The following CABIN1 variants were observed in gnomAD, a reference collection of about 807,000 sequenced individuals.
CABIN1 encodes calcineurin-binding protein cabin-1.
In CABIN1, 133 loss-of-function variants were observed where a neutral mutation model predicts 227.7. That is an observed-to-expected ratio of 0.58 (90% confidence interval 0.51 to 0.67). The LOEUF (loss-of-function observed/expected upper bound fraction) is 0.67, where lower values mean the gene tolerates loss of function less well. Ranked by LOEUF, CABIN1 falls within the 30% of genes least tolerant of loss-of-function variation. The probability of loss-of-function intolerance (pLI) is 0.00; values close to 1 mark genes in which losing one functional copy is unlikely to be tolerated. For missense variants in CABIN1, 2,408 were observed against 2,852.5 expected (o/e 0.84, Z 3.55); for synonymous variants, 1,086 against 1,155.1 (o/e 0.94, Z 1.21).
intron 4 of CABIN1, among the ~76,000 whole-genome samples, chr22:24,040,632 A>G (rs1339010053): frequency 1.3e-5 from 2 of 152,252 alleles, no homozygotes; most frequent in Non-Finnish European, 2.9e-5. Context: ...TCTTAATTAC[A>G]GAGGTCAGAC....
At position 24,116,154 on chromosome 22, in the gene CABIN1, T is replaced by C. The variant is rs2043072318; in HGVS notation, c.4300+2406T>C. Among the ~76,000 whole-genome samples the C allele has an allele frequency of 1.3e-5, 2 of 152,140 alleles. 1 individual carries two copies. Among genetic ancestry groups the C allele is most frequent in the South Asian group, 4.1e-4 (2 of 4,824 alleles). On this transcript the variant is annotated intron_variant, in intron 27 of 36. Coordinates refer to ENST00000263119, the MANE Select transcript of CABIN1 (RefSeq NM_012295.4). ...CTTTCCCAGAAGTGACTGTTGCAGC[T>C]AGCGGAAGCTCACCTTTGCAGGGGG...
chr22:24,127,724 T>G (rs1162561819), intron 28 of CABIN1, among the ~76,000 whole-genome samples: 1 of 152,154 alleles, frequency 6.6e-6, no homozygotes. Context: ...AATCCACAGA[T>G]AGTCATTCAT....
chr22:24,174,988 C>T (rs898705568), intron 34 of CABIN1, among the ~76,000 whole-genome samples: 2 of 152,208 alleles, frequency 1.3e-5, no homozygotes, highest in Non-Finnish European at 2.9e-5. Context: ...CCTCTGCCTG[C>T]CTGTCCCACC....
intron 1 of CABIN1, among the ~76,000 whole-genome samples, chr22:24,019,125 T>G (rs1323466341): frequency 8.0e-6 from 1 of 125,200 alleles, no homozygotes; most frequent in African/African-American, 3.1e-5. Context: ...GTGTTGTTTT[T>G]TTTTTTTTTT....
At chr22:24,090,538 T>TC (rs1192435365) in intron 23 of CABIN1, among the ~76,000 whole-genome samples, 1 of 143,224 alleles carries the variant, frequency 7.0e-6, no homozygotes, top group Non-Finnish European at 1.5e-5. Context: ...TTTTTTTTTT[T>TC]CCTGAGAAGT....
intron 26 of CABIN1, among the ~76,000 whole-genome samples, chr22:24,109,237 T>A (rs1050606730): frequency 2.6e-5 from 4 of 151,710 alleles, no homozygotes; most frequent in South Asian, 2.1e-4. Flanking sequence ...TTTTTTTTTT[T>A]AGACAGGGTC....
At chr22:24,099,274 C>G (rs1049029875) in intron 26 of CABIN1, among the ~76,000 whole-genome samples, 1 of 152,122 alleles carries the variant, frequency 6.6e-6, no homozygotes, top group Admixed American at 6.5e-5. Context: ...TAAAGAAGTG[C>G]TGGAGAAGGA....
rs112872661 is a variant in CABIN1, at chr22:24,055,017, G to A, written c.951G>A (p.Thr317=). ...SQPLESSMVV[T]PVNVIQPSTV... is the part of the protein sequence containing the mutation. ...CTCTTGAGTCCTCCATGGTGGTGAC[G>A]CCAGTTAACGTGATCCAGCCAAGCA... The change falls in exon 9 of 37, where the codon ACG becomes ACA. Residue 317 remains threonine (T), a synonymous_variant. Coordinates refer to ENST00000263119, the MANE Select transcript of CABIN1 (RefSeq NM_012295.4). The A allele has an allele frequency of 1.5e-5, 25 of 1,614,214 alleles. No homozygotes were observed. The highest frequency in any genetic ancestry group is 2.0e-5 in the Non-Finnish European group (24 of 1,180,048).
intron 1 of CABIN1, among the ~76,000 whole-genome samples, chr22:24,023,876 G>C (rs759575756): frequency 6.6e-5 from 10 of 151,980 alleles, no homozygotes; most frequent in Non-Finnish European, 1.2e-4. Flanking sequence ...TGGATTACAG[G>C]TGCCTGCCAC....
Position 24,041,247 on chromosome 22 carries a change from G to A in CABIN1, c.319G>A (p.Glu107Lys), listed in dbSNP as rs536668703. The change falls in exon 5 of 37, where the codon GAG becomes AAG. Residue 107 changes from glutamate (E) to lysine (K), a missense_variant. This residue lies in a region of CABIN1 where 1,045 missense variants were observed against 1,168.4 expected (regional missense o/e 0.89). Coordinates refer to ENST00000263119, the MANE Select transcript of CABIN1 (RefSeq NM_012295.4). ...GCTGGCAGCCCAGCGGGAGGATCTG[G>A]AGACAGCCATGGAGTTCTACTTAGA... Reference protein sequence around the residue: ...AQLAAQREDLETAMEFYLEAV... With the variant: ...AQLAAQREDLKTAMEFYLEAV... The A allele has an allele frequency of 1.2e-6, 2 of 1,614,190 alleles. No homozygotes were observed. The highest frequency in any genetic ancestry group is 2.2e-5 in the South Asian group (2 of 91,078).
intron 9 of CABIN1, 64 bp from the exon 10 acceptor site, chr22:24,056,128 C>A: frequency 7.3e-7 from 1 of 1,362,032 alleles, no homozygotes; most frequent in Non-Finnish European, 1.1e-6. Flanking sequence ...ATTGATGTGT[C>A]TGTGTGGTGC....
intron 29 of CABIN1, among the ~76,000 whole-genome samples, chr22:24,141,014 A>G (rs969914330): frequency 2.0e-5 from 3 of 152,190 alleles, no homozygotes; most frequent in African/African-American, 7.2e-5. Context: ...CGACAGGTGG[A>G]TGAAAGCTAT....
chr22:24,076,972 A>G (rs1313819824), intron 19 of CABIN1, among the ~76,000 whole-genome samples: 1 of 152,228 alleles, frequency 6.6e-6, no homozygotes, highest in Non-Finnish European at 1.5e-5. Context: ...CTATTGGGAT[A>G]TAACCATGCC....
chr22:24,130,278 C>G (rs1459131162), intron 28 of CABIN1, among the ~76,000 whole-genome samples: 1 of 152,162 alleles, frequency 6.6e-6, no homozygotes, highest in Non-Finnish European at 1.5e-5. Flanking sequence ...GCTCAGTGTT[C>G]AGCACACAGC....
chr22:24,059,906 T>G lies in CABIN1; in HGVS notation c.1400-18T>G. On this transcript the variant is annotated intron_variant, in intron 11 of 36. Coordinates refer to ENST00000263119, the MANE Select transcript of CABIN1 (RefSeq NM_012295.4). ...GGTACTCTTTATTCAAGTCAGGTTG[T>G]TCTTGCTCCCCGGGCAGAAAAGCAG... 1.2e-6 allele frequency: 2 copies of G among 1,612,222 alleles called. No homozygotes were observed. The highest frequency in any genetic ancestry group is 1.7e-6 in the Non-Finnish European group (2 of 1,178,292).
rs2039736799 is a variant in CABIN1 at position 24,067,096 on chromosome 22, T to C, written c.2147T>C (p.Leu716Ser). 6.2e-7 allele frequency: 1 copy of C among 1,614,100 alleles called. No individual in the cohort carries two copies. Among genetic ancestry groups the C allele is most frequent in the Non-Finnish European group, 8.5e-7 (1 of 1,180,034 alleles). ...GTTGTGCATCTGCTCCGCCCCACTT[T>C]GTGCACCAGTGGGTTTGACCGGGCC... The part of the protein sequence containing the change: ...KAVVHLLRPT[L>S]CTSGFDRAKH... The change falls in exon 16 of 37, where the codon TTG (leucine) becomes TCG (serine). Residue 716 changes from leucine (L) to serine (S), a missense_variant. Leu to Ser is a moderately radical substitution (Grantham distance 145). This residue lies in a region of CABIN1 where 1,045 missense variants were observed against 1,168.4 expected (regional missense o/e 0.89). Coordinates refer to ENST00000263119, the MANE Select transcript of CABIN1 (RefSeq NM_012295.4).
chr22:24,024,769 C>T (rs2035965039), intron 1 of CABIN1, among the ~76,000 whole-genome samples: 1 of 152,112 alleles, frequency 6.6e-6, no homozygotes, highest in African/African-American at 2.4e-5. Context: ...CATTCGCTGA[C>T]CATTTATTTC....
At chr22:24,151,801 C>T (rs895168159) in intron 29 of CABIN1, among the ~76,000 whole-genome samples, 6 of 152,182 alleles carry the variant, frequency 3.9e-5, no homozygotes, top group African/African-American at 7.2e-5. Flanking sequence ...GCCACACGCA[C>T]CCCCTTTGCA....
intron 8 of CABIN1, among the ~76,000 whole-genome samples, chr22:24,052,078 G>A (rs1034741962): frequency 1.2e-4 from 18 of 152,156 alleles, no homozygotes; most frequent in African/African-American, 4.3e-4. Flanking sequence ...AGAGGGTTGG[G>A]GTTTTGGAAG....
Sources: allele counts gnomAD v4.1 joint callset (sites outside exome capture counted in the v4.1 genomes callset), GRCh38; gene constraint gnomAD v4.1.1; regional missense constraint gnomAD v4.1.1; transcripts MANE v1.5; gene names NCBI Gene and HGNC (gene_info 2026-07-23, HGNC 2026-07-21).